The following PDE3A variants were observed in gnomAD, a reference collection of about 807,000 sequenced individuals.
PDE3A encodes the protein phosphodiesterase 3A, also known as cGMP-inhibited 3',5'-cyclic phosphodiesterase 3A.
A neutral mutation model predicts 98.3 loss-of-function variants in PDE3A; 43 were observed. The observed-to-expected ratio is 0.44, with a 90% CI of 0.34 to 0.56. The LOEUF (loss-of-function observed/expected upper bound fraction) is 0.56, where lower values mean the gene tolerates loss of function less well. Among genes scored for constraint, PDE3A ranks in the 20% least tolerant of loss-of-function variants. PDE3A has a pLI of 0.01. For missense variants in PDE3A, 1,427 were observed against 1,440.7 expected, an observed-to-expected ratio of 0.99 and a Z score of 0.15; for synonymous variants, 663 against 567.9, an observed-to-expected ratio of 1.17 and a Z score of -2.38.
rs577686891 is a variant in PDE3A, at chr12:20,484,526, T to A, written c.961-72134T>A. ...AAAGGGGTTTCTCTGTAGAACACAA[T>A]GTGCTTATTCTTTTTCACTTTAACA... On this transcript the variant is annotated intron_variant, in intron 1 of 15. Transcript: ENST00000359062. 3.1e-3 allele frequency among the ~76,000 whole-genome samples: 478 copies of A among 152,360 alleles called. 5 individuals carry two copies. The highest frequency in any genetic ancestry group is 0.01 in the African/African-American group (428 of 41,596).
chr12:20,582,340 A>C (rs1943087176), intron 2 of PDE3A, among the ~76,000 whole-genome samples: 1 of 151,966 alleles, frequency 6.6e-6, no homozygotes, highest in Non-Finnish European at 1.5e-5. Context: ...ACAGGCATGC[A>C]CCACCATGCC....
chr12:20,470,261 G>GT (rs1945414503), intron 1 of PDE3A, among the ~76,000 whole-genome samples: 1 of 152,072 alleles, frequency 6.6e-6, no homozygotes, highest in Non-Finnish European at 1.5e-5. Context: ...CAAAACAGGA[G>GT]TTTTTTAAGT....
intron 1 of PDE3A, among the ~76,000 whole-genome samples, chr12:20,457,462 A>C (rs2120911893): frequency 6.6e-6 from 1 of 152,008 alleles, no homozygotes; most frequent in South Asian, 2.1e-4. Flanking sequence ...GTAACACATA[A>C]AAATATTTGC....
chr12:20,519,946 C>A (rs1233572905), intron 1 of PDE3A, among the ~76,000 whole-genome samples: 2 of 152,136 alleles, frequency 1.3e-5, no homozygotes, highest in Non-Finnish European at 2.9e-5. Context: ...CTCCATACTC[C>A]TCCAACGTAG....
At chr12:20,623,662 G>T (rs897203695) in intron 5 of PDE3A, among the ~76,000 whole-genome samples, 2 of 150,340 alleles carry the variant, frequency 1.3e-5, no homozygotes, top group African/African-American at 4.9e-5. Context: ...AATATATGAT[G>T]GATATATTCT....
intron 1 of PDE3A, among the ~76,000 whole-genome samples, chr12:20,546,943 T>C (rs1169578355): frequency 2.0e-5 from 3 of 152,024 alleles, no homozygotes; most frequent in Admixed American, 6.6e-5. Context: ...GTAGACCAAT[T>C]TTATACTAAA....
chr12:20,439,649 A>G (rs530669146), intron 1 of PDE3A, among the ~76,000 whole-genome samples: 11 of 152,314 alleles, frequency 7.2e-5, no homozygotes, highest in Non-Finnish European at 1.3e-4. Context: ...TTTTTATTTT[A>G]AAATGCATAT....
At chr12:20,467,217 C>T (rs1314737817) in intron 1 of PDE3A, among the ~76,000 whole-genome samples, 1 of 151,722 alleles carries the variant, frequency 6.6e-6, no homozygotes, top group Admixed American at 6.6e-5. Context: ...TGAGGAGAGG[C>T]AGATAGACTT....
At chr12:20,492,469 T>A (rs1241191580) in intron 1 of PDE3A, among the ~76,000 whole-genome samples, 1 of 151,968 alleles carries the variant, frequency 6.6e-6, no homozygotes, top group Non-Finnish European at 1.5e-5. Context: ...ATTGAAGACT[T>A]TGAGGAAGTA....
chr12:20,439,161 A>T (rs1371568759), intron 1 of PDE3A, among the ~76,000 whole-genome samples: 1 of 152,134 alleles, frequency 6.6e-6, no homozygotes, highest in Non-Finnish European at 1.5e-5. Flanking sequence ...TCAAAATATA[A>T]TTTTTCTGTA....
chr12:20,535,491 A>G (rs911162426), intron 1 of PDE3A, among the ~76,000 whole-genome samples: 2 of 152,168 alleles, frequency 1.3e-5, no homozygotes, highest in Non-Finnish European at 2.9e-5. Flanking sequence ...AAAGCACTCT[A>G]TGTGTCCCAG....
chr12:20,654,157 G>A lies in PDE3A; in HGVS notation c.3136G>A (p.Ala1046Thr). 1.9e-6 allele frequency: 3 copies of A among 1,614,084 alleles called. No individual in the cohort carries two copies. The highest frequency in any genetic ancestry group is 2.5e-6 in the Non-Finnish European group (3 of 1,179,944). ...TDDPEEEEEEAPAPNEEETCE... is the reference protein window; with the variant it reads ...TDDPEEEEEETPAPNEEETCE... ...TGACCCAGAAGAAGAGGAGGAAGAA[G>A]CACCAGCACCAAATGAAGAGGAAAC... Residue 1046 changes from alanine to threonine, a missense_variant, in exon 15 of 16, where the codon GCA (alanine) becomes ACA (threonine). Ala to Thr is a moderately conservative substitution (Grantham distance 58). Transcript: ENST00000359062.
chr12:20,517,397 T>A (rs555508279), intron 1 of PDE3A, among the ~76,000 whole-genome samples: 1 of 152,326 alleles, frequency 6.6e-6, no homozygotes, highest in Admixed American at 6.5e-5. Context: ...AAGAGGATAC[T>A]TTCCCTCTGA....
At chr12:20,408,972 C>T (rs1944284875) in intron 1 of PDE3A, among the ~76,000 whole-genome samples, 2 of 152,058 alleles carry the variant, frequency 1.3e-5, no homozygotes, top group South Asian at 2.1e-4. Flanking sequence ...CCTTTTTACC[C>T]GCTTTCCTCT....
chr12:20,647,268 A>G (rs1944797271), intron 12 of PDE3A, among the ~76,000 whole-genome samples: 1 of 152,198 alleles, frequency 6.6e-6, no homozygotes. Context: ...TTCTGAAAAG[A>G]TTAGAGAACC....
intron 10 of PDE3A, among the ~76,000 whole-genome samples, chr12:20,645,741 T>G (rs1944761722): frequency 6.6e-6 from 1 of 152,074 alleles, no homozygotes; most frequent in Non-Finnish European, 1.5e-5. Context: ...CTTCCCTTGA[T>G]GATGGCATTA....
intron 1 of PDE3A, among the ~76,000 whole-genome samples, chr12:20,515,975 G>A (rs1306157598): frequency 2.7e-5 from 4 of 149,422 alleles, no homozygotes; most frequent in Admixed American, 1.3e-4. Flanking sequence ...CTCGTGATCC[G>A]CCCGCCTCGG....
chr12:20,390,503 A>G (rs995955592), intron 1 of PDE3A, among the ~76,000 whole-genome samples: 1 of 150,738 alleles, frequency 6.6e-6, no homozygotes, highest in African/African-American at 2.4e-5. Context: ...CTTGTGATTG[A>G]TAGTGGAAGG....
intron 1 of PDE3A, among the ~76,000 whole-genome samples, chr12:20,472,589 A>ACCG (rs1945457584): frequency 6.6e-6 from 1 of 151,582 alleles, no homozygotes; most frequent in Admixed American, 6.6e-5. Context: ...CTAAATGACC[A>ACCG]CATTATCACA....
Sources: allele counts gnomAD v4.1 joint callset (sites outside exome capture counted in the v4.1 genomes callset), GRCh38; gene constraint gnomAD v4.1.1; transcripts MANE v1.5; gene names NCBI Gene and HGNC (gene_info 2026-07-23, HGNC 2026-07-21).